The following CNTN4 variants were observed in gnomAD, a reference collection of about 807,000 sequenced individuals.
CNTN4 encodes the protein contactin-4.
Under a neutral mutation model 122.5 loss-of-function variants are expected in CNTN4, and 77 were observed. That is an observed-to-expected ratio of 0.63 (90% CI 0.52 to 0.76). The LOEUF (loss-of-function observed/expected upper bound fraction) is 0.76. Ranked by LOEUF, CNTN4 falls within the 30% of genes least tolerant of loss-of-function variation. The probability of loss-of-function intolerance (pLI) is 0.00; values close to 1 mark genes in which losing one functional copy is unlikely to be tolerated. For missense variants in CNTN4, 1,256 were observed against 1,259.1 expected (o/e 1.00, Z 0.04); for synonymous variants, 512 against 447.0 (o/e 1.15, Z -1.83).
chr3:2,767,582 C>T (rs2090916524), intron 6 of CNTN4, among the ~76,000 whole-genome samples: 1 of 151,988 alleles, frequency 6.6e-6, no homozygotes, highest in Non-Finnish European at 1.5e-5. Flanking sequence ...GCCCCATTGA[C>T]AGACAATAGA....
At chr3:2,651,458 C>T (rs1387769674) in intron 4 of CNTN4, among the ~76,000 whole-genome samples, 2 of 152,144 alleles carry the variant, frequency 1.3e-5, no homozygotes, top group African/African-American at 4.8e-5. Context: ...ACAAGACAAG[C>T]ACCCTTTTCA....
chr3:2,164,818 A>G lies in CNTN4; in HGVS notation c.-145+64179A>G, dbSNP rs559931982. On this transcript the variant is annotated intron_variant, in intron 2 of 24. Coordinates refer to ENST00000418658, the MANE Select transcript of CNTN4 (RefSeq NM_175607.3). Reference sequence around the variant, plus strand: ...GACGGAAAAATGTGCGTTTTGATACATGAAAGGACTCAAAGTATTCTGCAA... The same window carrying G: ...GACGGAAAAATGTGCGTTTTGATACGTGAAAGGACTCAAAGTATTCTGCAA... Among the ~76,000 whole-genome samples the G allele has an allele frequency of 7.2e-5, 11 of 152,322 alleles. No individual in the cohort carries two copies. The East Asian group carries it at 1.7e-3, about 24-fold the overall frequency.
chr3:2,514,000 C>G (rs1007172378), intron 3 of CNTN4, among the ~76,000 whole-genome samples: 13 of 152,162 alleles, frequency 8.5e-5, no homozygotes, highest in African/African-American at 3.1e-4. Context: ...TACAAATCTA[C>G]CCAACAACAT....
At chr3:2,888,314 C>T (rs1328128365) in intron 10 of CNTN4, among the ~76,000 whole-genome samples, 3 of 152,130 alleles carry the variant, frequency 2.0e-5, no homozygotes, top group African/African-American at 7.2e-5. Context: ...CCTTGCTAAC[C>T]GCAATGAGCC....
intron 6 of CNTN4, among the ~76,000 whole-genome samples, chr3:2,793,060 A>G (rs1037301185): frequency 3.3e-5 from 5 of 152,192 alleles, no homozygotes; most frequent in African/African-American, 1.2e-4. Context: ...CAGTTGCTGA[A>G]TTATTTCCAC....
At chr3:2,412,919 C>G (rs185865764) in intron 3 of CNTN4, among the ~76,000 whole-genome samples, 2 of 152,232 alleles carry the variant, frequency 1.3e-5, no homozygotes, top group East Asian at 3.9e-4. Context: ...TAGAACCTTC[C>G]TCATAGAATT....
intron 7 of CNTN4, among the ~76,000 whole-genome samples, chr3:2,840,421 G>T (rs902986303): frequency 1.3e-5 from 2 of 151,854 alleles, no homozygotes; most frequent in East Asian, 3.9e-4. Context: ...AAAAGCTGGG[G>T]CCGGCGCGGT....
intron 7 of CNTN4, among the ~76,000 whole-genome samples, chr3:2,863,765 AT>A (rs34037905): frequency 0.17 from 26,410 of 152,048 alleles, 3,082 homozygotes; most frequent in East Asian, 0.67. Context: ...TTTCAAGGAC[AT>A]TGGCATGACA....
At chr3:2,953,309 T>C (rs2124882345) in intron 13 of CNTN4, among the ~76,000 whole-genome samples, 1 of 152,270 alleles carries the variant, frequency 6.6e-6, no homozygotes, top group African/African-American at 2.4e-5. Context: ...TCCCCCCAGA[T>C]TGTTAATTCT....
chr3:2,511,195 T>C (rs1175073193), intron 3 of CNTN4, among the ~76,000 whole-genome samples: 1 of 152,216 alleles, frequency 6.6e-6, no homozygotes, highest in African/African-American at 2.4e-5. Flanking sequence ...AGTGTAATTA[T>C]ATTCTGTAGT....
chr3:2,304,359 C>A (rs535601921), intron 2 of CNTN4, among the ~76,000 whole-genome samples: 18 of 152,152 alleles, frequency 1.2e-4, no homozygotes, highest in Admixed American at 3.9e-4. Context: ...ATTAATTACA[C>A]GTTATAAACA....
intron 2 of CNTN4, among the ~76,000 whole-genome samples, chr3:2,159,581 A>G (rs191277484): frequency 5.1e-4 from 78 of 152,274 alleles, no homozygotes; most frequent in African/African-American, 1.8e-3. Context: ...GAGATTTTAT[A>G]TTAAATGGAT....
intron 3 of CNTN4, among the ~76,000 whole-genome samples, chr3:2,554,103 A>T (rs1306198690): frequency 6.6e-6 from 1 of 152,168 alleles, no homozygotes; most frequent in Non-Finnish European, 1.5e-5. Context: ...GCCAAAATTA[A>T]TCTTTATAAT....
chr3:2,159,360 G>GA (rs1491030650), intron 2 of CNTN4, among the ~76,000 whole-genome samples: 2 of 148,038 alleles, frequency 1.4e-5, no homozygotes, highest in African/African-American at 2.6e-5. Flanking sequence ...TATCAAAACA[G>GA]AAAAAAAATT....
intron 4 of CNTN4, among the ~76,000 whole-genome samples, chr3:2,648,036 C>T (rs1283243019): frequency 6.6e-6 from 1 of 152,132 alleles, no homozygotes; most frequent in Non-Finnish European, 1.5e-5. Context: ...AATACAAATC[C>T]TTCCCAGTCA....
intron 6 of CNTN4, among the ~76,000 whole-genome samples, chr3:2,793,126 A>C (rs540453327): frequency 3.3e-5 from 5 of 152,292 alleles, no homozygotes; most frequent in Admixed American, 6.5e-5. Flanking sequence ...CAAAACAGGA[A>C]GACAGAGTTC....
chr3:2,706,314 AC>A (rs2086734545), intron 4 of CNTN4, among the ~76,000 whole-genome samples: 1 of 152,104 alleles, frequency 6.6e-6, no homozygotes, highest in African/African-American at 2.4e-5. Context: ...CACTCAGACT[AC>A]ACTCCATTGT....
intron 13 of CNTN4, among the ~76,000 whole-genome samples, chr3:2,987,590 C>T (rs1179740446): frequency 6.6e-6 from 1 of 152,206 alleles, no homozygotes; most frequent in Non-Finnish European, 1.5e-5. Context: ...TGACAAGCCT[C>T]TAAGCCAAGC....
At chr3:2,373,794 G>T (rs534454493) in intron 3 of CNTN4, among the ~76,000 whole-genome samples, 1 of 152,266 alleles carries the variant, frequency 6.6e-6, no homozygotes, top group South Asian at 2.1e-4. Context: ...AGGAATTTCA[G>T]TTCTAGAAAG....
Sources: gnomAD v4.1 joint callset for allele counts (sites outside exome capture counted in the v4.1 genomes callset) on GRCh38, gnomAD v4.1.1 for gene constraint, MANE v1.5 for transcripts, NCBI Gene and HGNC (gene_info 2026-07-23, HGNC 2026-07-21) for gene names.